The following ROBO2 variants were observed in gnomAD, a reference collection of about 807,000 sequenced individuals.
ROBO2 encodes the protein roundabout homolog 2.
ROBO2 carries 53 observed loss-of-function variants against 160.8 expected under a neutral mutation model. The ratio of observed to expected loss-of-function variants is 0.33; its 90% CI spans 0.26 to 0.41. The LOEUF (loss-of-function observed/expected upper bound fraction) is 0.41. Among genes scored for constraint, ROBO2 ranks in the 10% least tolerant of loss-of-function variants. The pLI, the probability that ROBO2 is intolerant of heterozygous loss-of-function variation, is 1.00. For missense variants in ROBO2, 1,577 were observed against 1,722.4 expected (o/e 0.92, Z 1.49); for synonymous variants, 664 against 611.7 (o/e 1.09, Z -1.26).
intron 2 of ROBO2, among the ~76,000 whole-genome samples, chr3:76,635,388 T>G (rs925960061): frequency 6.6e-6 from 1 of 152,190 alleles, no homozygotes; most frequent in Admixed American, 6.5e-5. Context: ...GACTTTTGCT[T>G]ATAGCTTTGC....
chr3:76,400,541 CT>C lies in ROBO2; in HGVS notation c.109+462942del, dbSNP rs2077754111. ...ACAAAGAAACATACAGGACAAATTG[CT>C]TTAACAAATGTTTATATTTTTGCTT... On this transcript the variant is annotated intron_variant, in intron 2 of 26. Coordinates refer to the ROBO2 transcript ENST00000487694. 2.6e-5 allele frequency among the ~76,000 whole-genome samples: 4 copies of C among 151,374 alleles called. No individual in the cohort carries two copies. The South Asian group carries it at 8.3e-4, about 31-fold the overall frequency.
intron 2 of ROBO2, among the ~76,000 whole-genome samples, chr3:77,419,979 A>C (rs1381410602): frequency 6.6e-6 from 1 of 152,186 alleles, no homozygotes; most frequent in Non-Finnish European, 1.5e-5. Flanking sequence ...TTCAGGAAAC[A>C]AACTGAGGCA....
At chr3:76,660,544 A>G (rs550858677) in intron 2 of ROBO2, among the ~76,000 whole-genome samples, 1 of 152,244 alleles carries the variant, frequency 6.6e-6, no homozygotes, top group South Asian at 2.1e-4. Context: ...GCATGATTAT[A>G]ATTGCTGCAC....
At chr3:76,660,356 A>T (rs1211534225) in intron 2 of ROBO2, among the ~76,000 whole-genome samples, 1 of 152,204 alleles carries the variant, frequency 6.6e-6, no homozygotes, top group Non-Finnish European at 1.5e-5. Flanking sequence ...TATAGTAGCA[A>T]CAGTGAATTG....
At chr3:76,465,866 A>G (rs758780350) in intron 2 of ROBO2, among the ~76,000 whole-genome samples, 13 of 152,014 alleles carry the variant, frequency 8.6e-5, no homozygotes, top group Non-Finnish European at 1.5e-4. Context: ...TACTTGGTAC[A>G]TAAGCTAAGT....
chr3:76,255,374 G>A (rs1476497362), intron 2 of ROBO2, among the ~76,000 whole-genome samples: 6 of 152,048 alleles, frequency 3.9e-5, no homozygotes, highest in Non-Finnish European at 1.5e-5. Flanking sequence ...TATTGCTTTA[G>A]TATTCTTATT....
intron 5 of ROBO2, among the ~76,000 whole-genome samples, chr3:77,520,649 T>G (rs934806148): frequency 6.6e-6 from 1 of 151,204 alleles, no homozygotes; most frequent in Non-Finnish European, 1.5e-5. Context: ...TAGAGACTTC[T>G]GAAAGTCAGA....
chr3:77,420,184 A>G (rs1166316852), intron 2 of ROBO2, among the ~76,000 whole-genome samples: 3 of 152,110 alleles, frequency 2.0e-5, no homozygotes, highest in Non-Finnish European at 4.4e-5. Flanking sequence ...CTCAGTCTAC[A>G]GTGGTTCCAT....
rs1017071375 is a variant in ROBO2, at chr3:77,308,295, C to A, written c.389-169119C>A. On this transcript the variant is annotated intron_variant, in intron 2 of 25. Coordinates refer to ENST00000461745, the Ensembl canonical transcript of ROBO2. ...GGAAGATCTCATCTGGATTCCCTGGCCTTCTTGGCATTCTGACTCACAATG... is the reference window on the plus strand; with the variant it reads ...GGAAGATCTCATCTGGATTCCCTGGACTTCTTGGCATTCTGACTCACAATG... Among the ~76,000 whole-genome samples the A allele has an allele frequency of 9.2e-5, 14 of 152,128 alleles. No individual in the cohort carries two copies. In the East Asian group the frequency reaches 2.5e-3, roughly 27 times the overall value.
chr3:76,049,530 C>T lies in ROBO2; in HGVS notation c.109+111928C>T, dbSNP rs117273382. On this transcript the variant is annotated intron_variant, in intron 2 of 26. Transcript: ENST00000487694. ...AAGTGCTGGGATTACAGGCGAGAGC[C>T]GTGGAATCTGGCCACAAGCGTTCCT... Among the ~76,000 whole-genome samples the T allele has an allele frequency of 6.8e-3, 1,029 of 150,230 alleles. 54 individuals carry two copies. The East Asian group carries it at 0.15, about 22-fold the overall frequency.
At chr3:76,686,037 G>A (rs1442105533) in intron 2 of ROBO2, among the ~76,000 whole-genome samples, 1 of 151,966 alleles carries the variant, frequency 6.6e-6, no homozygotes, top group Non-Finnish European at 1.5e-5. Flanking sequence ...TCTCCCTGAA[G>A]TCTGTGTTTT....
At chr3:77,010,611 C>A (rs1342797926) in intron 2 of ROBO2, among the ~76,000 whole-genome samples, 1 of 152,122 alleles carries the variant, frequency 6.6e-6, no homozygotes, top group Non-Finnish European at 1.5e-5. Context: ...GTTTCAGGAC[C>A]TTTACCCGTG....
intron 2 of ROBO2, among the ~76,000 whole-genome samples, chr3:76,862,304 G>GTAT (rs2070871279): frequency 6.6e-6 from 1 of 152,088 alleles, no homozygotes; most frequent in Non-Finnish European, 1.5e-5. Context: ...ATAAGTTGTA[G>GTAT]GAGGAGAAAA....
rs968231179 is a variant in ROBO2, at chr3:77,642,664, T to G, written c.3935-2040T>G. On this transcript the variant is annotated intron_variant, in intron 24 of 25. Transcript: ENST00000461745. ...AGTCCATTCTAAACATTATTCAAAA[T>G]TTTTAGATCTTCCACCACCACCAGA... The G allele has an allele frequency of 1.2e-4, 55 of 452,474 alleles. No homozygotes were observed. Among genetic ancestry groups the G allele is most frequent in the African/African-American group, 1.0e-3 (50 of 49,590 alleles). 28.0% of individuals were successfully genotyped at this position (452,474 alleles called of 1,614,324 possible). A position where few individuals can be genotyped will look rare whatever the true frequency, so the allele number is the denominator to read the frequency against.
At chr3:76,021,494 A>G (rs1422840301) in intron 2 of ROBO2, among the ~76,000 whole-genome samples, 1 of 151,792 alleles carries the variant, frequency 6.6e-6, no homozygotes, top group Non-Finnish European at 1.5e-5. Flanking sequence ...CAGTAGAATT[A>G]CGTCCCTATT....
At chr3:77,149,332 G>T (rs938539760) in intron 2 of ROBO2, among the ~76,000 whole-genome samples, 1 of 152,084 alleles carries the variant, frequency 6.6e-6, no homozygotes, top group African/African-American at 2.4e-5. Context: ...ACTGCACCCG[G>T]CCCAAAGTAA....
intron 2 of ROBO2, among the ~76,000 whole-genome samples, chr3:76,337,397 A>C (rs1458606214): frequency 6.6e-6 from 1 of 152,216 alleles, no homozygotes; most frequent in Non-Finnish European, 1.5e-5. Flanking sequence ...TTGAAGATTA[A>C]AGTGAAAAGA....
At chr3:76,610,945 T>G (rs2088066722) in intron 2 of ROBO2, among the ~76,000 whole-genome samples, 1 of 152,000 alleles carries the variant, frequency 6.6e-6, no homozygotes, top group South Asian at 2.1e-4. Context: ...AGATAATAAT[T>G]TTATTGAGTG....
In ROBO2 at chr3:76,617,222, T is replaced by C. The variant is rs899191084; in HGVS notation, c.110-480792T>C. ...CTCCCCGAAACCTGAAAAGGGCCCA[T>C]CCTTTCTTTAAATGTGCAGGGTTTG... On this transcript the variant is annotated intron_variant, in intron 2 of 26. Transcript: ENST00000487694. Among the ~76,000 whole-genome samples, 3 of 152,192 alleles carry C rather than the reference T, an allele frequency of 2.0e-5. No homozygotes were observed. In the East Asian group the frequency reaches 5.8e-4, roughly 29 times the overall value.
Sources: allele counts gnomAD v4.1 joint callset (sites outside exome capture counted in the v4.1 genomes callset), GRCh38; gene constraint gnomAD v4.1.1; transcripts MANE v1.5; gene names NCBI Gene and HGNC (gene_info 2026-07-23, HGNC 2026-07-21).